Variants in KIF1A observed in about 807,000 individuals in gnomAD.
The protein encoded by KIF1A is kinesin-like protein KIF1A.
KIF1A carries 46 observed loss-of-function variants against 227.3 expected under a neutral mutation model. That is an observed-to-expected ratio of 0.20 (90% CI 0.16 to 0.26). KIF1A has a LOEUF of 0.26. Among genes scored for constraint, KIF1A ranks in the 10% least tolerant of loss-of-function variants. The probability of loss-of-function intolerance (pLI) is 1.00; values close to 1 mark genes in which losing one functional copy is unlikely to be tolerated. For missense variants in KIF1A, 1,683 were observed against 2,485.9 expected (o/e 0.68, Z 6.87); for synonymous variants, 1,022 against 1,012.8 (o/e 1.01, Z -0.17).
chr2:240,812,570 C>A (rs73104625), intron 1 of KIF1A, among the ~76,000 whole-genome samples: 5,930 of 150,446 alleles, frequency 0.039, 380 homozygotes, highest in African/African-American at 0.14. Flanking sequence ...TCGGGATCCA[C>A]ATTCACCTCA....
chr2:240,737,628 G>C (rs1371356606), intron 37 of KIF1A: 1 of 159,690 alleles, frequency 6.3e-6, no homozygotes. Context: ...AGGGATAGGA[G>C]AGAACACTTT....
intron 1 of KIF1A, among the ~76,000 whole-genome samples, chr2:240,815,263 TG>T (rs1210766833): frequency 6.6e-6 from 1 of 152,162 alleles, no homozygotes; most frequent in Admixed American, 6.5e-5. Flanking sequence ...TGCACCATCC[TG>T]GCTTGAGCTG....
At chr2:240,769,083 C>A in intron 17 of KIF1A, 50 bp downstream of exon 17, 1 of 1,501,140 alleles carries the variant, frequency 6.7e-7, no homozygotes, top group East Asian at 2.4e-5. Flanking sequence ...AGCACCTCAC[C>A]TGGTCCTGTT....
intron 40 of KIF1A, chr2:240,724,669 C>A: frequency 6.2e-6 from 1 of 160,428 alleles, no homozygotes; most frequent in Non-Finnish European, 1.4e-5. Flanking sequence ...TGTCAGGGCC[C>A]TGACATTCCG....
At chr2:240,780,806 A>ACACACACACACACATACAGCTC (rs2053611041) in intron 10 of KIF1A, among the ~76,000 whole-genome samples, 1 of 87,050 alleles carries the variant, frequency 1.1e-5, no homozygotes, top group African/African-American at 7.4e-5. Flanking sequence ...CTCCACACAC[A>ACACACACACACACATACAGCTC]CACACACACA....
At chr2:240,771,467 C>T (rs928789373) in intron 14 of KIF1A, among the ~76,000 whole-genome samples, 1 of 152,118 alleles carries the variant, frequency 6.6e-6, no homozygotes, top group Non-Finnish European at 1.5e-5. Flanking sequence ...AGCTCCCCTG[C>T]ACCCCCTGCG....
In KIF1A at chr2:240,739,948, G is replaced by C; in HGVS notation, c.3901+110C>G. 1.3e-6 allele frequency: 1 copy of C among 788,562 alleles called. No homozygotes were observed. The highest frequency in any genetic ancestry group is 2.1e-6 in the Non-Finnish European group (1 of 466,884). 48.8% of individuals were successfully genotyped at this position (788,562 alleles called of 1,614,324 possible). A position where few individuals can be genotyped will look rare whatever the true frequency, so the allele number is the denominator to read the frequency against. ...GATTATGTGACCCGGCCAGGGTCAC[G>C]CAGCAACAGACGCAGAGGTGTGGTT... On this transcript the variant is annotated intron_variant, in intron 37 of 48. Coordinates refer to ENST00000498729, the MANE Select transcript of KIF1A (RefSeq NM_001244008.2). This position sits in a 1 kb window ranked among gnomAD's most constrained non-coding sequence, Gnocchi z 5.6.
intron 1 of KIF1A, among the ~76,000 whole-genome samples, chr2:240,800,105 G>GACACACAC (rs3220094): frequency 0.016 from 2,222 of 143,002 alleles, 32 homozygotes; most frequent in Non-Finnish European, 0.02. Context: ...GTCCAAAGCA[G>GACACACAC]ACACACACAC....
At chr2:240,724,109 G>C (rs2045715009) in intron 40 of KIF1A, 73 bp from the exon 41 acceptor site, 1 of 1,343,346 alleles carries the variant, frequency 7.4e-7, no homozygotes, top group Non-Finnish European at 1.1e-6. Context: ...CCTGGCTGCT[G>C]ACTTGCCCCA....
rs779460275 is a variant in KIF1A at position 240,763,079 on chromosome 2, C to T, written c.1962G>A (p.Leu654=). 1 of 1,575,384 alleles carries T rather than the reference C, an allele frequency of 6.3e-7. No individual in the cohort carries two copies. The highest frequency in any genetic ancestry group is 1.3e-5 in the African/African-American group (1 of 74,074). ...CCCGCTCGCGGCGGTACTGGTCCTC[C>T]AGTTCCTGGAGCCTGCAAGGGGGCA... ...KQEMEQRLQE[L]EDQYRREREE... The change falls in exon 22 of 49, where the codon CTG becomes CTA. Residue 654 remains leucine, a synonymous_variant. Transcript: ENST00000498729.
rs185239059 is a variant in KIF1A at position 240,748,657 on chromosome 2, C to T, written c.2978-1336G>A. On this transcript the variant is annotated intron_variant, in intron 28 of 48. Coordinates refer to ENST00000498729, the MANE Select transcript of KIF1A (RefSeq NM_001244008.2). The stretch of plus-strand genomic sequence containing the variant: ...CCCTGAGTATTGCAGCCCTGGTAAA[C>T]ACCCCACCTTCCAGCAGCAGGGCTG... 2.0e-5 allele frequency: 6 copies of T among 304,262 alleles called. No homozygotes were observed. In the Admixed American group the frequency reaches 2.6e-4, roughly 13 times the overall value. 18.8% of individuals were successfully genotyped at this position (304,262 alleles called of 1,614,324 possible).
rs2049989381 is a variant in KIF1A at position 240,757,447 on chromosome 2, C to A, written c.2730G>T (p.Glu910Asp). 6.5e-7 allele frequency: 1 copy of A among 1,550,120 alleles called. No homozygotes were observed. Among genetic ancestry groups the A allele is most frequent in the Admixed American group, 2.0e-5 (1 of 50,942 alleles). The change falls in exon 27 of 49, where the codon GAG becomes GAT. Residue 910 changes from glutamate to aspartate, a missense_variant. Glu to Asp is a conservative substitution (Grantham distance 45). Transcript: ENST00000498729. The surrounding 1 kb of genome is among the most constrained non-coding windows in gnomAD (Gnocchi z 6.2). ...CATCCTCCTCCTCCTCCTCCTCCTC[C>A]TCCTCCTCCCCCACGCTCTGCTCCT... ...PAEEQSVGEE[E>D]EEEEEEEDEE...
intron 25 of KIF1A, among the ~76,000 whole-genome samples, chr2:240,759,808 A>G (rs2050298073): frequency 6.6e-6 from 1 of 152,124 alleles, no homozygotes; most frequent in Non-Finnish European, 1.5e-5. Context: ...GGAGTTAGAG[A>G]TCAGCCTGTG....
Position 240,789,514 on chromosome 2 carries a change from A to G in KIF1A, c.107-202T>C, listed in dbSNP as rs1007345392. Among the ~76,000 whole-genome samples, 8 of 152,212 alleles carry G rather than the reference A, an allele frequency of 5.3e-5. No homozygotes were observed. Among genetic ancestry groups the G allele is most frequent in the African/African-American group, 1.9e-4 (8 of 41,536 alleles). The stretch of plus-strand genomic sequence containing the variant: ...CTCCTTATGGTGGACGCTGCCACCC[A>G]TGGATGTCCAAGGGTACCACCATAC... On this transcript the variant is annotated intron_variant, in intron 2 of 48. Transcript: ENST00000498729. This position sits in a 1 kb window ranked among gnomAD's most constrained non-coding sequence, Gnocchi z 4.8.
intron 40 of KIF1A, chr2:240,724,517 C>G (rs1013422012): frequency 4.9e-6 from 1 of 203,494 alleles, no homozygotes; most frequent in South Asian, 8.3e-5. Flanking sequence ...ACAGCCAGCC[C>G]TCAAGGACAC....
Position 240,719,123 on chromosome 2 carries a change from C to T in KIF1A, c.5097G>A (p.Val1699=). 1 of 1,612,570 alleles carries T rather than the reference C, an allele frequency of 6.2e-7. No homozygotes were observed. The highest frequency in any genetic ancestry group is 8.5e-7 in the Non-Finnish European group (1 of 1,179,744). ...ACATGTAGGCATAGGGGCGCCGCAC[C>T]ACCACGAAGCGCCTGGCCCAGCCTG... is the stretch of plus-strand genomic sequence containing the variant. ...HTSGWARRFV[V]VRRPYAYMYN... The change falls in exon 47 of 49, where the codon GTG becomes GTA. Residue 1699 remains valine, a synonymous_variant. Transcript: ENST00000498729.
At chr2:240,741,002 T>C (rs1047565226) in intron 35 of KIF1A, among the ~76,000 whole-genome samples, 2 of 152,114 alleles carry the variant, frequency 1.3e-5, no homozygotes, top group Non-Finnish European at 2.9e-5. Flanking sequence ...TGGTTTGCTG[T>C]CCTAGTGCTC....
rs796715099 is a variant in KIF1A, at chr2:240,786,628, A to G, written c.430-115T>C. ...AACATAAGGACCCCTGAGTGAGGAG[A>G]TGGGGGCCGCCATCAGGACCCCTGA... On this transcript the variant is annotated intron_variant, in intron 5 of 48. Coordinates refer to ENST00000498729, the MANE Select transcript of KIF1A (RefSeq NM_001244008.2). 403 of 671,770 alleles carry G rather than the reference A, an allele frequency of 6.0e-4. No individual in the cohort carries two copies. In the Middle Eastern group the frequency reaches 6.3e-3, roughly 10 times the overall value. 41.6% of individuals were successfully genotyped at this position (671,770 alleles called of 1,614,324 possible).
chr2:240,813,358 C>A (rs1034492872), intron 1 of KIF1A, among the ~76,000 whole-genome samples: 23 of 152,332 alleles, frequency 1.5e-4, no homozygotes, highest in Admixed American at 3.9e-4. Flanking sequence ...GGACCTCAGC[C>A]CTGAGTGCCG....
Sources: gnomAD v4.1 joint callset for allele counts (sites outside exome capture counted in the v4.1 genomes callset) on GRCh38, gnomAD v4.1.1 for gene constraint, Gnocchi (gnomAD v3.1) non-coding constraint, MANE v1.5 for transcripts, NCBI Gene and HGNC (gene_info 2026-07-23, HGNC 2026-07-21) for gene names.